MAPK14: variants seen among roughly 807,000 people sequenced by gnomAD.
The protein encoded by MAPK14 is CSAID-binding protein.
A neutral mutation model predicts 49.6 loss-of-function variants in MAPK14; 16 were observed. That is an observed-to-expected ratio of 0.32 (90% confidence interval 0.22 to 0.49). The LOEUF (loss-of-function observed/expected upper bound fraction) is 0.49, where lower values mean the gene tolerates loss of function less well. Ranked by LOEUF, MAPK14 falls within the 20% of genes least tolerant of loss-of-function variation. The pLI, the probability that MAPK14 is intolerant of heterozygous loss-of-function variation, is 0.99. For missense variants in MAPK14, 200 were observed against 441.2 expected, an observed-to-expected ratio of 0.45 and a Z score of 4.90; for synonymous variants, 142 against 158.0, an observed-to-expected ratio of 0.90 and a Z score of 0.76.
intron 1 of MAPK14, among the ~76,000 whole-genome samples, chr6:36,038,373 A>G (rs1238235753): frequency 6.6e-6 from 1 of 152,162 alleles, no homozygotes; most frequent in Non-Finnish European, 1.5e-5. Context: ...GGGGCCAAAT[A>G]TAGGGAGAAA....
At chr6:36,057,284 G>A (rs1330918540) in intron 2 of MAPK14, among the ~76,000 whole-genome samples, 1 of 152,134 alleles carries the variant, frequency 6.6e-6, no homozygotes, top group Non-Finnish European at 1.5e-5. Flanking sequence ...AAAAAGGCAG[G>A]ATATAAAACT....
At chr6:36,062,359 A>C (rs1451186423) in intron 3 of MAPK14, among the ~76,000 whole-genome samples, 1 of 152,162 alleles carries the variant, frequency 6.6e-6, no homozygotes, top group Non-Finnish European at 1.5e-5. Flanking sequence ...TGCAAATTTA[A>C]ATACCTTCAG....
intron 8 of MAPK14, chr6:36,092,648 C>T (rs1010005813): frequency 8.3e-5 from 32 of 383,872 alleles, no homozygotes; most frequent in Non-Finnish European, 1.5e-4. Context: ...TTGGCTCTCC[C>T]TTTTCAAACT....
intron 6 of MAPK14, 77 bp from the exon 7 acceptor site, chr6:36,075,768 TTTG>T (rs970994111): frequency 2.2e-5 from 35 of 1,592,294 alleles, no homozygotes; most frequent in African/African-American, 2.7e-5. Flanking sequence ...CAGAGGTTTG[TTTG>T]TTGTTGTTGT....
chr6:36,123,803 A>AC, the MAPK14 span, among the ~76,000 whole-genome samples: 1 of 152,178 alleles, frequency 6.6e-6, no homozygotes, highest in African/African-American at 2.4e-5. Flanking sequence ...ACCAGACCTT[A>AC]CCCCAGCCAC....
chr6:36,091,103 A>C (rs540244694), intron 8 of MAPK14, among the ~76,000 whole-genome samples: 16 of 152,338 alleles, frequency 1.1e-4, no homozygotes, highest in African/African-American at 3.8e-4. Context: ...TGCTCATGGC[A>C]GGTAGGTCCT....
chr6:36,104,403 T>C (rs944740176), intron 10 of MAPK14, among the ~76,000 whole-genome samples: 10 of 152,168 alleles, frequency 6.6e-5, no homozygotes, highest in African/African-American at 2.4e-4. Flanking sequence ...TCCTTTTTTT[T>C]TTGAGACAGA....
intron 1 of MAPK14, among the ~76,000 whole-genome samples, chr6:36,048,042 A>G (rs955643453): frequency 1.4e-4 from 20 of 146,080 alleles, no homozygotes; most frequent in Admixed American, 2.8e-4. Context: ...TTTTTAATTT[A>G]TTTATTATTA....
the MAPK14 span, among the ~76,000 whole-genome samples, chr6:36,117,444 T>G: frequency 6.6e-6 from 1 of 152,238 alleles, no homozygotes; most frequent in African/African-American, 2.4e-5. Context: ...TTCGTTCTTC[T>G]GTTCAGCCTT....
chr6:36,064,976 A>G (rs894309368), intron 3 of MAPK14, among the ~76,000 whole-genome samples: 1 of 152,216 alleles, frequency 6.6e-6, no homozygotes, highest in Non-Finnish European at 1.5e-5. Context: ...CTTTGAGTAC[A>G]GACAACCACA....
In MAPK14 at chr6:36,110,622, T is replaced by A. The variant is rs938814023; in HGVS notation, c.*2175T>A. The A allele has an allele frequency of 6.5e-5, 10 of 152,678 alleles. No homozygotes were observed. The highest frequency in any genetic ancestry group is 2.4e-4 in the African/African-American group (10 of 41,466). The allele number at this position is 152,678 out of a possible 1,614,324, so 9.5% of individuals were successfully genotyped here. A position where few individuals can be genotyped will look rare whatever the true frequency, so the allele number is the denominator to read the frequency against. On this transcript the variant is annotated 3_prime_UTR_variant, in exon 12 of 12. Transcript: ENST00000229794. ...AGCATAATGCTCCCATCTCCTGATT[T>A]CTCTGAACAGAAAACAAAAGAGAGA...
intron 8 of MAPK14, among the ~76,000 whole-genome samples, chr6:36,083,220 C>T (rs1201825269): frequency 6.6e-6 from 1 of 152,242 alleles, no homozygotes; most frequent in African/African-American, 2.4e-5. Flanking sequence ...GGTGGAGCGA[C>T]AGCCCACCTG....
At chr6:36,062,485 A>G (rs1763861091) in intron 3 of MAPK14, among the ~76,000 whole-genome samples, 1 of 152,188 alleles carries the variant, frequency 6.6e-6, no homozygotes, top group African/African-American at 2.4e-5. Flanking sequence ...AAACAAAACA[A>G]GTAAACAAAC....
At chr6:36,088,849 A>G (rs576383768) in intron 8 of MAPK14, among the ~76,000 whole-genome samples, 1 of 152,248 alleles carries the variant, frequency 6.6e-6, no homozygotes, top group African/African-American at 2.4e-5. Context: ...AATGAAAACC[A>G]CAATGAGATA....
rs562762756 is a variant in MAPK14, at chr6:36,070,496, C to T, written c.306-2377C>T. Among the ~76,000 whole-genome samples, 205 of 152,294 alleles carry T rather than the reference C, an allele frequency of 1.3e-3. 1 individual carries two copies. Among genetic ancestry groups the T allele is most frequent in the African/African-American group, 4.7e-3 (196 of 41,556 alleles). On this transcript the variant is annotated intron_variant, in intron 3 of 11. Transcript: ENST00000229794. ...CATGGACATAATAAACTGCTTGCTG[C>T]AGTGCTGGACACAGAATAAGTGCTA...
At chr6:36,060,102 C>A (rs1763752710) in intron 3 of MAPK14, among the ~76,000 whole-genome samples, 2 of 152,230 alleles carry the variant, frequency 1.3e-5, no homozygotes, top group South Asian at 2.1e-4. Context: ...GAAAATGAAA[C>A]AGGAAAGGAG....
At chr6:36,118,639 A>G in the MAPK14 span, among the ~76,000 whole-genome samples, 1 of 152,224 alleles carries the variant, frequency 6.6e-6, no homozygotes, top group South Asian at 2.1e-4. Context: ...ATCCGCTGCC[A>G]TTACACAAAG....
chr6:36,122,431 G>C, the MAPK14 span, among the ~76,000 whole-genome samples: 1 of 152,240 alleles, frequency 6.6e-6, no homozygotes, highest in East Asian at 1.9e-4. Flanking sequence ...CACACAGACA[G>C]AGATGCAGCG....
chr6:36,092,813 A>G (rs780244120), intron 8 of MAPK14, among the ~76,000 whole-genome samples: 5 of 152,176 alleles, frequency 3.3e-5, no homozygotes, highest in Non-Finnish European at 5.9e-5. Flanking sequence ...AGGATGTGCC[A>G]TGGCTCATCT....
Sources: allele counts gnomAD v4.1 joint callset (sites outside exome capture counted in the v4.1 genomes callset), GRCh38; gene constraint gnomAD v4.1.1; transcripts MANE v1.5; gene names NCBI Gene and HGNC (gene_info 2026-07-23, HGNC 2026-07-21).